Variants in GALNT14 observed in about 807,000 individuals in gnomAD.
The protein encoded by GALNT14 is UDP-GalNAc:polypeptide N-acetylgalactosaminyltransferase 14.
GALNT14 carries 60 observed loss-of-function variants against 77.5 expected under a neutral mutation model. That is an observed-to-expected ratio of 0.77 (90% confidence interval 0.63 to 0.96). The LOEUF (loss-of-function observed/expected upper bound fraction) is 0.96, where lower values mean the gene tolerates loss of function less well. GALNT14 is among the 40% of genes least tolerant of loss of function. The pLI, the probability that GALNT14 is intolerant of heterozygous loss-of-function variation, is 0.00. For synonymous variants in GALNT14, 280 were observed against 281.7 expected (o/e 0.99, Z 0.06); for missense variants, 710 against 731.0 (o/e 0.97, Z 0.33).
intron 1 of GALNT14, among the ~76,000 whole-genome samples, chr2:31,033,730 T>C (rs1672551225): frequency 6.6e-6 from 1 of 152,116 alleles, no homozygotes; most frequent in African/African-American, 2.4e-5. Context: ...CCCCAGCCCA[T>C]TCCAGCTTCC....
In GALNT14 at chr2:31,080,612, G is replaced by T. The variant is rs764847485; in HGVS notation, c.129+57346C>A. Among the ~76,000 whole-genome samples, 39 of 152,154 alleles carry T rather than the reference G, an allele frequency of 2.6e-4. 1 individual carries two copies. Among genetic ancestry groups the T allele is most frequent in the Non-Finnish European group, 2.2e-4 (15 of 68,016 alleles). On this transcript the variant is annotated intron_variant, in intron 1 of 14. Coordinates refer to ENST00000349752, the MANE Select transcript of GALNT14 (RefSeq NM_024572.4). ...ATGAAGAGAAGAAATCTAAATTCAG[G>T]ATGACTTATTAAAGAAAACCCCCTG...
At chr2:30,924,648 C>T in intron 12 of GALNT14, 92 bp downstream of exon 12, 2 of 1,026,144 alleles carry the variant, frequency 1.9e-6, no homozygotes, top group African/African-American at 1.6e-5. Flanking sequence ...AAGCCCTCAT[C>T]CAGTTGGTCA....
intron 11 of GALNT14, among the ~76,000 whole-genome samples, chr2:30,925,806 G>GTACTTTGA (rs1277636272): frequency 6.6e-6 from 1 of 152,190 alleles, no homozygotes; most frequent in Non-Finnish European, 1.5e-5. Context: ...GAGGTGGTTT[G>GTACTTTGA]TACTTTGAGA....
intron 6 of GALNT14, among the ~76,000 whole-genome samples, chr2:30,949,988 C>T (rs1666930075): frequency 1.3e-5 from 2 of 152,204 alleles, no homozygotes; most frequent in South Asian, 4.1e-4. Context: ...CATTCTGATT[C>T]TGCCATCTAG....
chr2:31,027,915 T>TGTGTGTGTGTGTGTGTGTGTGTGC (rs768786430), intron 1 of GALNT14, among the ~76,000 whole-genome samples: 8 of 151,840 alleles, frequency 5.3e-5, no homozygotes, highest in Non-Finnish European at 8.8e-5. Flanking sequence ...TGTGTGTGTG[T>TGTGTGTGTGTGTGTGTGTGTGTGC]GTGCACGCAT....
chr2:30,966,125 G>A (rs1667989029), intron 3 of GALNT14, 79 bp downstream of exon 3: 12 of 1,054,832 alleles, frequency 1.1e-5, no homozygotes, highest in African/African-American at 1.6e-5. Context: ...CTAGTACAGC[G>A]CTGGGCACCT....
At chr2:30,999,379 C>T (rs576145794) in intron 1 of GALNT14, among the ~76,000 whole-genome samples, 1 of 152,312 alleles carries the variant, frequency 6.6e-6, no homozygotes, top group Admixed American at 6.5e-5. Context: ...TGGTACTAGT[C>T]TAATCTTTCT....
In GALNT14 at chr2:30,924,181, C is replaced by G; in HGVS notation, c.1318G>C (p.Glu440Gln). The G allele has an allele frequency of 6.2e-7, 1 of 1,614,224 alleles. No homozygotes were observed. Among genetic ancestry groups the G allele is most frequent in the South Asian group, 1.1e-5 (1 of 91,084 alleles). Residue 440 changes from glutamate (E) to glutamine (Q), a missense_variant, in exon 13 of 15, where the codon GAA becomes CAA. Transcript: ENST00000349752. ...GGGCTCAACTTTAGGTTTGGGGTTT[C>G]TTGGTTGTTCTGCCTTTGAGATTCC... ...CLESQRQNNQ[E>Q]TPNLKLSPCA... is the part of the protein sequence containing the mutation.
chr2:31,023,459 T>C (rs936030494), intron 1 of GALNT14, among the ~76,000 whole-genome samples: 6 of 152,042 alleles, frequency 3.9e-5, no homozygotes, highest in Non-Finnish European at 7.4e-5. Flanking sequence ...TTTCCCATCT[T>C]TAAAATACCC....
At chr2:31,024,009 G>A (rs60562251) in intron 1 of GALNT14, among the ~76,000 whole-genome samples, 6,010 of 152,076 alleles carry the variant, frequency 0.04, 397 homozygotes, top group African/African-American at 0.14. Context: ...GCCCCAACCC[G>A]GTCTTGGTTT....
intron 1 of GALNT14, among the ~76,000 whole-genome samples, chr2:31,087,536 A>AGAGGAGAAGAGAGGAGAGGAGCGGCG (rs1160670621): frequency 6.6e-6 from 1 of 150,404 alleles, no homozygotes; most frequent in Non-Finnish European, 1.5e-5. Context: ...CGAGGAGAGG[A>AGAGGAGAAGAGAGGAGAGGAGCGGCG]AGACCTCTAG....
At chr2:31,103,228 A>G (rs1326746640) in intron 1 of GALNT14, among the ~76,000 whole-genome samples, 1 of 152,072 alleles carries the variant, frequency 6.6e-6, no homozygotes, top group Non-Finnish European at 1.5e-5. Context: ...TCTTCTGGGA[A>G]GGTTTGTGTT....
At chr2:30,898,702 A>G in the GALNT14 span, among the ~76,000 whole-genome samples, 1 of 152,166 alleles carries the variant, frequency 6.6e-6, no homozygotes, top group Non-Finnish European at 1.5e-5. Flanking sequence ...AGGCTCACAG[A>G]AAGGCTTTTT....
intron 2 of GALNT14, among the ~76,000 whole-genome samples, chr2:30,969,442 G>A (rs555369665): frequency 6.6e-6 from 1 of 152,328 alleles, no homozygotes; most frequent in South Asian, 2.1e-4. Flanking sequence ...GGTACTGAGA[G>A]TTATCTCCTT....
At chr2:31,079,266 C>G (rs1301663233) in intron 1 of GALNT14, among the ~76,000 whole-genome samples, 1 of 152,154 alleles carries the variant, frequency 6.6e-6, no homozygotes, top group Non-Finnish European at 1.5e-5. Context: ...GGCTTCCATT[C>G]ACTCGCTGTA....
chr2:30,934,109 A>T (rs571778699), intron 9 of GALNT14, among the ~76,000 whole-genome samples: 1 of 152,304 alleles, frequency 6.6e-6, no homozygotes, highest in East Asian at 1.9e-4. Context: ...CTCTCCATAA[A>T]GTCCCACTGT....
At chr2:30,958,942 A>G (rs1258326669) in intron 3 of GALNT14, among the ~76,000 whole-genome samples, 1 of 152,214 alleles carries the variant, frequency 6.6e-6, no homozygotes, top group African/African-American at 2.4e-5. Flanking sequence ...ATGCAAATAA[A>G]TAAACTGACA....
chr2:30,971,233 G>A (rs973300941), intron 2 of GALNT14, among the ~76,000 whole-genome samples: 2 of 152,176 alleles, frequency 1.3e-5, no homozygotes, highest in African/African-American at 2.4e-5. Flanking sequence ...ATCTATTAGG[G>A]GCACGAGGGA....
intron 8 of GALNT14, among the ~76,000 whole-genome samples, chr2:30,944,101 T>C (rs1666540538): frequency 6.6e-6 from 1 of 152,224 alleles, no homozygotes; most frequent in Non-Finnish European, 1.5e-5. Flanking sequence ...CTGCCCTGCC[T>C]GAGGCAGGCT....
Sources: allele counts gnomAD v4.1 joint callset (sites outside exome capture counted in the v4.1 genomes callset), GRCh38; gene constraint gnomAD v4.1.1; transcripts MANE v1.5; gene names NCBI Gene and HGNC (gene_info 2026-07-23, HGNC 2026-07-21).